Variants in TNRC6B observed in about 807,000 individuals in gnomAD.
TNRC6B encodes trinucleotide repeat containing adaptor 6B, also known as trinucleotide repeat-containing gene 6B protein.
A neutral mutation model predicts 203.6 loss-of-function variants in TNRC6B; 52 were observed. The observed-to-expected ratio is 0.26, with a 90% CI of 0.20 to 0.32. The LOEUF is 0.32. Among genes scored for constraint, TNRC6B ranks in the 10% least tolerant of loss-of-function variants. TNRC6B has a pLI of 1.00. For synonymous variants in TNRC6B, 838 were observed against 845.7 expected, an observed-to-expected ratio of 0.99 and a Z score of 0.16; for missense variants, 1,923 against 2,286.2, an observed-to-expected ratio of 0.84 and a Z score of 3.24.
chr22:40,126,986 C>A (rs891132464), intron 3 of TNRC6B, among the ~76,000 whole-genome samples: 2 of 149,930 alleles, frequency 1.3e-5, no homozygotes, highest in Non-Finnish European at 3.0e-5. Flanking sequence ...GTGTTATCAT[C>A]ATCAAATCTT....
intron 4 of TNRC6B, among the ~76,000 whole-genome samples, chr22:40,169,992 T>C (rs1885694283): frequency 6.6e-6 from 1 of 151,832 alleles, no homozygotes; most frequent in Non-Finnish European, 1.5e-5. Context: ...AGGTAACATA[T>C]TTAGGGGCTG....
At chr22:40,158,355 TAA>T (rs1334183976) in intron 4 of TNRC6B, among the ~76,000 whole-genome samples, 1 of 147,668 alleles carries the variant, frequency 6.8e-6, no homozygotes, top group Non-Finnish European at 1.5e-5. Flanking sequence ...AATAAATAAA[TAA>T]ATAAATAAAT....
intron 21 of TNRC6B, among the ~76,000 whole-genome samples, chr22:40,316,426 G>A (rs1016080491): frequency 4.6e-5 from 7 of 152,174 alleles, no homozygotes; most frequent in African/African-American, 1.7e-4. Context: ...AGCACCTTGG[G>A]AGGCCAAGGC....
In TNRC6B at chr22:40,236,831, A is replaced by G. The variant is rs571376177; in HGVS notation, c.6-9184A>G. On this transcript the variant is annotated intron_variant, in intron 1 of 22. Transcript: ENST00000454349. ...AGGCACGATGGGCTCAGAGACATGC[A>G]TACAGCAACCATTGGTCATGACTCT... Among the ~76,000 whole-genome samples the G allele has an allele frequency of 2.0e-5, 3 of 152,314 alleles. No homozygotes were observed. The South Asian group carries it at 6.2e-4, about 32-fold the overall frequency.
chr22:40,301,090 G>A, intron 14 of TNRC6B, 60 bp from the exon 15 acceptor site: 2 of 1,559,846 alleles, frequency 1.3e-6, no homozygotes, highest in Non-Finnish European at 1.7e-6. Flanking sequence ...ACCGGGCACA[G>A]TCTTTTCCTG....
intron 22 of TNRC6B, among the ~76,000 whole-genome samples, chr22:40,322,389 G>C (rs775880453): frequency 7.9e-5 from 12 of 152,130 alleles, no homozygotes; most frequent in Non-Finnish European, 1.5e-4. Flanking sequence ...GTTTACATTA[G>C]AGTTCACTCG....
chr22:40,138,128 A>G (rs1014320824), intron 3 of TNRC6B, among the ~76,000 whole-genome samples: 1 of 152,194 alleles, frequency 6.6e-6, no homozygotes, highest in Non-Finnish European at 1.5e-5. Context: ...AGGCAGTAAC[A>G]GTGGTCTGCA....
At chr22:40,160,628 C>T (rs1371370125) in intron 4 of TNRC6B, among the ~76,000 whole-genome samples, 11 of 152,106 alleles carry the variant, frequency 7.2e-5, no homozygotes, top group Non-Finnish European at 1.3e-4. Flanking sequence ...GTACCTGCAG[C>T]GAGGTAAGTC....
At chr22:40,160,862 C>A (rs994775014) in intron 4 of TNRC6B, among the ~76,000 whole-genome samples, 1 of 152,120 alleles carries the variant, frequency 6.6e-6, no homozygotes, top group African/African-American at 2.4e-5. Flanking sequence ...GCACTATCAT[C>A]CCTGGCCTCT....
At chr22:40,311,525 T>G (rs946594282) in intron 17 of TNRC6B, among the ~76,000 whole-genome samples, 3 of 152,046 alleles carry the variant, frequency 2.0e-5, no homozygotes, top group African/African-American at 7.2e-5. Flanking sequence ...ATGTATAGTT[T>G]CGTTTTATTA....
At chr22:40,128,902 G>A (rs144699532) in intron 3 of TNRC6B, among the ~76,000 whole-genome samples, 16 of 152,094 alleles carry the variant, frequency 1.1e-4, no homozygotes, top group East Asian at 1.9e-4. Context: ...CTCTCAAGGC[G>A]GTTTCATTTT....
intron 7 of TNRC6B, among the ~76,000 whole-genome samples, chr22:40,275,864 C>A (rs928919671): frequency 1.3e-5 from 2 of 151,766 alleles, no homozygotes; most frequent in African/African-American, 4.8e-5. Flanking sequence ...GAGGATGAGG[C>A]AGGAGAATTG....
At chr22:40,174,175 T>C (rs543358951), upstream of TNRC6B, among the ~76,000 whole-genome samples, 120 of 152,078 alleles carry the variant, frequency 7.9e-4, no homozygotes, top group African/African-American at 2.8e-3. Context: ...TTTTCTTTTT[T>C]TTTTTAGAGA....
At chr22:40,230,678 T>C (rs2069857840) in intron 1 of TNRC6B, among the ~76,000 whole-genome samples, 1 of 152,192 alleles carries the variant, frequency 6.6e-6, no homozygotes. Context: ...TAACTTTTTC[T>C]CAGTCTGTGG....
chr22:40,093,718 G>A (rs2068166230), intron 1 of TNRC6B, among the ~76,000 whole-genome samples: 1 of 152,208 alleles, frequency 6.6e-6, no homozygotes, highest in South Asian at 2.1e-4. Flanking sequence ...CTTTCAGTTA[G>A]GACAGTTGTT....
At chr22:40,123,862 A>G (rs947252090) in intron 2 of TNRC6B, among the ~76,000 whole-genome samples, 6 of 151,804 alleles carry the variant, frequency 4.0e-5, no homozygotes, top group Non-Finnish European at 5.9e-5. Flanking sequence ...AGTTTTTCCA[A>G]TGCTATCAAC....
Position 40,060,883 on chromosome 22 carries a change from A to G in TNRC6B, c.-121+15885A>G, listed in dbSNP as rs575071190. 2.0e-5 allele frequency among the ~76,000 whole-genome samples: 3 copies of G among 152,294 alleles called. No individual in the cohort carries two copies. The East Asian group carries it at 5.8e-4, about 29-fold the overall frequency. Reference sequence around the variant, plus strand: ...TTAGTTTGGTACCTAGCATGAACCAAAATTTCAGGCTCCCAGTAGGAAAAC... The same window carrying G: ...TTAGTTTGGTACCTAGCATGAACCAGAATTTCAGGCTCCCAGTAGGAAAAC... On this transcript the variant is annotated intron_variant, in intron 1 of 23. Coordinates refer to the TNRC6B transcript ENST00000301923.
intron 1 of TNRC6B, 82 bp from the exon 2 acceptor site, chr22:40,245,933 C>G: frequency 9.4e-7 from 1 of 1,062,132 alleles, no homozygotes; most frequent in South Asian, 1.7e-5. Flanking sequence ...GTCTTGCCCA[C>G]CACTTACAAG....
At chr22:40,058,483 G>A (rs1371079236) in intron 1 of TNRC6B, among the ~76,000 whole-genome samples, 1 of 149,312 alleles carries the variant, frequency 6.7e-6, no homozygotes, top group African/African-American at 2.6e-5. Context: ...TCCTGAACTG[G>A]CCAGAGCCGG....
Sources: gnomAD v4.1 joint callset for allele counts (sites outside exome capture counted in the v4.1 genomes callset) on GRCh38, gnomAD v4.1.1 for gene constraint, MANE v1.5 for transcripts, NCBI Gene and HGNC (gene_info 2026-07-23, HGNC 2026-07-21) for gene names.